The following SOX6 variants were observed in gnomAD, a reference collection of about 807,000 sequenced individuals.
SOX6 encodes the protein SRY-box transcription factor 6.
In SOX6, 11 loss-of-function variants were observed where a neutral mutation model predicts 97.8. The ratio of observed to expected loss-of-function variants is 0.11; its 90% confidence interval spans 0.07 to 0.19. SOX6 has a LOEUF of 0.19. Among genes scored for constraint, SOX6 ranks in the 10% least tolerant of loss-of-function variants. The pLI is 1.00. For missense variants in SOX6, 810 were observed against 1,039.5 expected (o/e 0.78, Z 3.04); for synonymous variants, 360 against 371.4 (o/e 0.97, Z 0.35).
chr11:16,287,658 T>C (rs1281554710), intron 3 of SOX6, among the ~76,000 whole-genome samples: 1 of 152,114 alleles, frequency 6.6e-6, no homozygotes, highest in Non-Finnish European at 1.5e-5. Context: ...TGTCCTTCCT[T>C]ACACTCAAAA....
At chr11:16,423,278 C>T (rs900121694) in intron 1 of SOX6, among the ~76,000 whole-genome samples, 1 of 152,190 alleles carries the variant, frequency 6.6e-6, no homozygotes, top group Non-Finnish European at 1.5e-5. Flanking sequence ...CCTGCTCTCT[C>T]ACTTTGTTCA....
chr11:16,495,833 A>C (rs1158469624), intron 4 of SOX6, among the ~76,000 whole-genome samples: 1 of 152,138 alleles, frequency 6.6e-6, no homozygotes, highest in African/African-American at 2.4e-5. Context: ...GGGCCCAAGA[A>C]CAGGCATGCT....
chr11:16,176,264 T>A (rs1187404809), intron 6 of SOX6, among the ~76,000 whole-genome samples: 1 of 151,940 alleles, frequency 6.6e-6, no homozygotes, highest in East Asian at 1.9e-4. Context: ...ATACTCTCCA[T>A]GCTCAGACTG....
At chr11:16,611,064 G>C (rs2133982492) in intron 4 of SOX6, among the ~76,000 whole-genome samples, 1 of 152,354 alleles carries the variant, frequency 6.6e-6, no homozygotes, top group South Asian at 2.1e-4. Context: ...CGCTGCCTCT[G>C]TGTTGTCCGA....
At chr11:16,410,244 T>C (rs1054873791) in intron 1 of SOX6, among the ~76,000 whole-genome samples, 4 of 152,232 alleles carry the variant, frequency 2.6e-5, no homozygotes, top group African/African-American at 4.8e-5. Context: ...AAATCTTAAA[T>C]GAGTTTTTAA....
intron 4 of SOX6, among the ~76,000 whole-genome samples, chr11:16,554,178 G>A (rs1456537995): frequency 3.0e-4 from 46 of 151,970 alleles, no homozygotes; most frequent in Admixed American, 3.0e-3. Context: ...ATGAGCAGAA[G>A]GAAAAATTGA....
chr11:16,372,129 C>T (rs1022044705), intron 1 of SOX6, among the ~76,000 whole-genome samples: 3 of 151,942 alleles, frequency 2.0e-5, no homozygotes, highest in Admixed American at 6.6e-5. Flanking sequence ...TTGTATTGAA[C>T]ATATTAGTTC....
intron 4 of SOX6, among the ~76,000 whole-genome samples, chr11:16,562,361 GC>G (rs1426564489): frequency 6.6e-6 from 1 of 152,116 alleles, no homozygotes; most frequent in Non-Finnish European, 1.5e-5. Flanking sequence ...CAGACTTGGA[GC>G]TAAAGAAGCC....
At chr11:16,520,839 C>T (rs965733325) in intron 4 of SOX6, among the ~76,000 whole-genome samples, 2 of 152,248 alleles carry the variant, frequency 1.3e-5, no homozygotes, top group East Asian at 3.9e-4. Flanking sequence ...CAGCACCTGG[C>T]TCAGAGGGTT....
intron 10 of SOX6, among the ~76,000 whole-genome samples, chr11:16,050,743 G>C (rs932667464): frequency 6.6e-6 from 1 of 152,076 alleles, no homozygotes; most frequent in African/African-American, 2.4e-5. Context: ...TGAAAGCTAA[G>C]CTCCTTCCTT....
At chr11:16,082,535 A>C (rs1036569587) in intron 9 of SOX6, among the ~76,000 whole-genome samples, 1 of 152,142 alleles carries the variant, frequency 6.6e-6, no homozygotes, top group African/African-American at 2.4e-5. Flanking sequence ...GATTTCCCCA[A>C]ATCCCCAGGA....
rs575148371 is a variant in SOX6 at position 16,641,774 on chromosome 11, T to C, written n.430-29514A>G. ...CATTTGCTTGGTACATCTTCCTCCA[T>C]CCCTTTATTTTGAGCCTATGTGTGT... On this transcript the variant is annotated intron_variant and non_coding_transcript_variant, in intron 3 of 5. Coordinates refer to the SOX6 transcript ENST00000524520. Among the ~76,000 whole-genome samples, 4 of 152,302 alleles carry C rather than the reference T, an allele frequency of 2.6e-5. 1 individual carries two copies. In the South Asian group the frequency reaches 6.2e-4, roughly 24 times the overall value.
intron 3 of SOX6, among the ~76,000 whole-genome samples, chr11:16,242,365 A>G (rs1853220205): frequency 6.6e-6 from 1 of 151,954 alleles, no homozygotes; most frequent in Admixed American, 6.6e-5. Context: ...AGGCCATACC[A>G]TGTAGGTTTG....
upstream of SOX6, among the ~76,000 whole-genome samples, chr11:16,359,582 C>T (rs1488694519): frequency 6.6e-6 from 1 of 152,044 alleles, no homozygotes; most frequent in African/African-American, 2.4e-5. Flanking sequence ...CTTATCTTGT[C>T]CTTGGTGTTC....
intron 3 of SOX6, among the ~76,000 whole-genome samples, chr11:16,257,532 C>T (rs1853730385): frequency 6.6e-6 from 1 of 151,884 alleles, no homozygotes; most frequent in Non-Finnish European, 1.5e-5. Context: ...AGACATATAT[C>T]TTATGCTCTT....
intron 6 of SOX6, among the ~76,000 whole-genome samples, chr11:16,180,227 A>T (rs939403161): frequency 6.6e-6 from 1 of 151,852 alleles, no homozygotes; most frequent in Non-Finnish European, 1.5e-5. Flanking sequence ...TGATCTGTTT[A>T]CAACTGTCAA....
chr11:16,214,506 T>A (rs1852314572), intron 4 of SOX6, among the ~76,000 whole-genome samples: 1 of 152,176 alleles, frequency 6.6e-6, no homozygotes, highest in African/African-American at 2.4e-5. Context: ...TTCATTCTCC[T>A]AACTTACATT....
chr11:16,260,144 C>T (rs1199068387), intron 3 of SOX6, among the ~76,000 whole-genome samples: 6 of 151,922 alleles, frequency 3.9e-5, no homozygotes, highest in Non-Finnish European at 8.8e-5. Context: ...GGACTACAGG[C>T]ACCTGCCACC....
At chr11:16,514,259 G>A (rs563569510) in intron 4 of SOX6, among the ~76,000 whole-genome samples, 1 of 149,470 alleles carries the variant, frequency 6.7e-6, no homozygotes, top group South Asian at 2.1e-4. Flanking sequence ...ATACCACCAT[G>A]TACATATTGT....
Sources: gnomAD v4.1 joint callset for allele counts (sites outside exome capture counted in the v4.1 genomes callset) on GRCh38, gnomAD v4.1.1 for gene constraint, MANE v1.5 for transcripts, NCBI Gene and HGNC (gene_info 2026-07-23, HGNC 2026-07-21) for gene names.